The following DNAH17 variants were observed in gnomAD, a reference collection of about 807,000 sequenced individuals.
DNAH17 encodes the protein dynein axonemal heavy chain 17.
DNAH17 carries 376 observed loss-of-function variants against 485.6 expected under a neutral mutation model. The ratio of observed to expected loss-of-function variants is 0.77; its 90% confidence interval spans 0.71 to 0.84. The LOEUF (loss-of-function observed/expected upper bound fraction) is 0.84. Among genes scored for constraint, DNAH17 ranks in the 40% least tolerant of loss-of-function variants. DNAH17 has a pLI of 0.00. For synonymous variants in DNAH17, 3,031 were observed against 2,405.9 expected (o/e 1.26, Z -7.60); for missense variants, 6,370 against 5,839.3 (o/e 1.09, Z -2.96).
intron 63 of DNAH17, among the ~76,000 whole-genome samples, chr17:78,455,029 C>A (rs1196050890): frequency 6.6e-6 from 1 of 152,132 alleles, no homozygotes; most frequent in East Asian, 1.9e-4. Flanking sequence ...CCTGCCTTGG[C>A]CTTCTGGGTA....
intron 54 of DNAH17, among the ~76,000 whole-genome samples, chr17:78,469,437 G>A (rs1004895948): frequency 2.6e-4 from 39 of 152,226 alleles, no homozygotes; most frequent in African/African-American, 7.7e-4. Context: ...CACTGTGCCC[G>A]GCCCACAGGG....
chr17:78,439,141 A>AGCC lies in DNAH17; in HGVS notation c.11751_11753dup (p.Ala3918dup), dbSNP rs1157312598. The AGCC allele has an allele frequency of 6.2e-7, 1 of 1,613,652 alleles. No homozygotes were observed. The highest frequency in any genetic ancestry group is 1.1e-5 in the South Asian group (1 of 91,064). On this transcript the variant is annotated inframe_insertion, in exon 73 of 81. Transcript: ENST00000389840. Reference sequence around the variant, plus strand: ...CTGCAGCCACGTCCAGGGCGTTCTCAGCCACCACCTCTTGTCCCTGCCCCA... The same window carrying AGCC: ...CTGCAGCCACGTCCAGGGCGTTCTCAGCCGCCACCACCTCTTGTCCCTGCCCCA...
chr17:78,558,279 A>T (rs756576756), intron 13 of DNAH17, 25 bp from the exon 14 acceptor site: 26 of 1,611,284 alleles, frequency 1.6e-5, no homozygotes, highest in Non-Finnish European at 2.0e-5. Flanking sequence ...AAGATCAAAG[A>T]ACATGTCAGC....
chr17:78,479,748 T>C, intron 49 of DNAH17, 116 bp from the exon 50 acceptor site: 1 of 1,428,170 alleles, frequency 7.0e-7, no homozygotes, highest in Non-Finnish European at 9.5e-7. Flanking sequence ...CTTTTGGGCA[T>C]TGTCAGAATG....
chr17:78,507,964 C>T (rs543285001), intron 27 of DNAH17, among the ~76,000 whole-genome samples, 159 bp from the exon 28 acceptor site: 1 of 152,168 alleles, frequency 6.6e-6, no homozygotes, highest in African/African-American at 2.4e-5. Context: ...CCAACCCGAA[C>T]CTTCATCCCC....
chr17:78,561,607 C>T (rs923332514), intron 12 of DNAH17, 108 bp downstream of exon 12: 1 of 1,336,904 alleles, frequency 7.5e-7, no homozygotes, highest in African/African-American at 1.5e-5. Context: ...TGGGAGGTAA[C>T]AGTCTGGTCG....
intron 27 of DNAH17, 66 bp from the exon 28 acceptor site, chr17:78,507,871 A>C (rs117321213): frequency 7.2e-7 from 1 of 1,396,498 alleles, no homozygotes; most frequent in East Asian, 2.5e-5. Flanking sequence ...CAGGACCCAG[A>C]GTTTCCAGGA....
chr17:78,482,165 T>G (rs2089379180), intron 48 of DNAH17, among the ~76,000 whole-genome samples: 1 of 146,590 alleles, frequency 6.8e-6, no homozygotes, highest in Non-Finnish European at 1.5e-5. Context: ...AGCCTCTATC[T>G]CCTGGGCTCA....
intron 30 of DNAH17, among the ~76,000 whole-genome samples, chr17:78,506,472 A>G (rs1189506440): frequency 6.6e-6 from 1 of 152,144 alleles, no homozygotes; most frequent in Non-Finnish European, 1.5e-5. Flanking sequence ...GGGGAAAATG[A>G]GGCACAGAGA....
At chr17:78,449,169 A>C (rs188257947) in intron 69 of DNAH17, among the ~76,000 whole-genome samples, 2 of 152,064 alleles carry the variant, frequency 1.3e-5, no homozygotes, top group African/African-American at 4.8e-5. Flanking sequence ...TTAAAACACC[A>C]CCCCTTCACT....
Position 78,532,664 on chromosome 17 carries a change from T to C in DNAH17, c.2932A>G (p.Lys978Glu). The C allele has an allele frequency of 6.3e-7, 1 of 1,595,334 alleles. No individual in the cohort carries two copies. The highest frequency in any genetic ancestry group is 8.5e-7 in the Non-Finnish European group (1 of 1,170,136). ...GAATCCTGGTACTCCTCGGCCTCCT[T>C]CATGGCATTGATGACCAGGCTGGAC... ...EVSSLVINAM[K>E]EAEEYQDSFE... The change falls in exon 20 of 81, where the codon AAG (lysine) becomes GAG (glutamate). Residue 978 changes from lysine (K) to glutamate (E), a missense_variant. Physicochemically the swap from Lys to Glu is moderately conservative, Grantham distance 56. Coordinates refer to ENST00000389840, the MANE Select transcript of DNAH17 (RefSeq NM_173628.4).
chr17:78,463,763 G>A (rs111430432), intron 56 of DNAH17, among the ~76,000 whole-genome samples: 1 of 152,344 alleles, frequency 6.6e-6, no homozygotes, highest in African/African-American at 2.4e-5. Flanking sequence ...CCACCTACCT[G>A]AACGCAGGCA....
chr17:78,506,247 T>G (rs1472109272), intron 30 of DNAH17, among the ~76,000 whole-genome samples: 6 of 148,892 alleles, frequency 4.0e-5, no homozygotes, highest in African/African-American at 1.2e-4. Context: ...GTTCAAGCAA[T>G]TATCATGCCA....
chr17:78,459,955 A>T lies in DNAH17; in HGVS notation c.9482T>A (p.Val3161Glu). ...CATGACGGCGGCGGTGACGTTGACC[A>T]CAGCATCCGGCGGGGACCCAAAGGA... ...LKSFGSPPDA[V>E]VNVTAAVMIL... is the part of the protein sequence containing the mutation. Residue 3161 changes from valine (V) to glutamate (E), a missense_variant, in exon 60 of 81, where the codon GTG (valine) becomes GAG (glutamate). Transcript: ENST00000389840. The T allele has an allele frequency of 6.2e-7, 1 of 1,613,532 alleles. No individual in the cohort carries two copies. Among genetic ancestry groups the T allele is most frequent in the Non-Finnish European group, 8.5e-7 (1 of 1,179,882 alleles).
intron 74 of DNAH17, among the ~76,000 whole-genome samples, chr17:78,435,288 C>T (rs770444177): frequency 2.6e-5 from 4 of 152,174 alleles, no homozygotes; most frequent in East Asian, 1.9e-4. Context: ...AGAGTCCATC[C>T]GATCCGGTGC....
At chr17:78,553,976 A>G (rs2091965313) in intron 14 of DNAH17, among the ~76,000 whole-genome samples, 1 of 151,694 alleles carries the variant, frequency 6.6e-6, no homozygotes, top group African/African-American at 2.4e-5. Context: ...TTTTTTTAAT[A>G]TAGAGATGGG....
At chr17:78,517,335 C>T (rs2090814671) in intron 25 of DNAH17, among the ~76,000 whole-genome samples, 1 of 152,204 alleles carries the variant, frequency 6.6e-6, no homozygotes, top group South Asian at 2.1e-4. Flanking sequence ...TGAGCCACCG[C>T]ACCAGGCCGG....
intron 54 of DNAH17, among the ~76,000 whole-genome samples, chr17:78,471,631 G>A (rs1258410648): frequency 6.6e-6 from 1 of 152,172 alleles, no homozygotes; most frequent in African/African-American, 2.4e-5. Flanking sequence ...GGGCTCAAGG[G>A]ATCCTCCTTG....
chr17:78,428,058 C>A (rs989386333), intron 77 of DNAH17, among the ~76,000 whole-genome samples: 2 of 150,968 alleles, frequency 1.3e-5, no homozygotes, highest in African/African-American at 4.9e-5. Flanking sequence ...ACTGGCATCC[C>A]CTGAACTCTT....
Sources: gnomAD v4.1 joint callset for allele counts (sites outside exome capture counted in the v4.1 genomes callset) on GRCh38, gnomAD v4.1.1 for gene constraint, MANE v1.5 for transcripts, NCBI Gene and HGNC (gene_info 2026-07-23, HGNC 2026-07-21) for gene names.